Variants in PCDH10 observed in about 807,000 individuals in gnomAD.
PCDH10 encodes the protein protocadherin 10, also known as protocadherin-10.
PCDH10 carries 15 observed loss-of-function variants against 74.4 expected under a neutral mutation model. The observed-to-expected ratio is 0.20, with a 90% confidence interval of 0.13 to 0.31. PCDH10 has a LOEUF of 0.31. Among genes scored for constraint, PCDH10 ranks in the 10% least tolerant of loss-of-function variants. The pLI is 1.00. For synonymous variants in PCDH10, 619 were observed against 589.8 expected (o/e 1.05, Z -0.72); for missense variants, 1,260 against 1,390.2 (o/e 0.91, Z 1.49).
At chr4:133,153,612 G>C (rs1405666802) in intron 1 of PCDH10, 1 of 151,872 alleles carries the variant, frequency 6.6e-6, no homozygotes, top group African/African-American at 2.4e-5. Context: ...GGAGGGTGGG[G>C]GTTGGGGGGA....
chr4:133,151,458 G>A lies in PCDH10; in HGVS notation c.1318G>A (p.Glu440Lys), dbSNP rs748177621. The A allele has an allele frequency of 3.1e-6, 5 of 1,613,574 alleles. 1 individual carries two copies. In the South Asian group the frequency reaches 4.4e-5, roughly 14 times the overall value. ...TLTVVARDRG[E>K]PALSTSKSIQ... ...GACTGTAGTGGCTCGGGACCGGGGC[G>A]AGCCTGCGCTCTCCACCAGTAAGTC... The change falls in exon 1 of 5, where the codon GAG (glutamate) becomes AAG (lysine). Residue 440 changes from glutamate (E) to lysine (K), a missense_variant. By Grantham distance (56) the Glu-to-Lys change is moderately conservative. Coordinates refer to ENST00000264360, the MANE Select transcript of PCDH10 (RefSeq NM_032961.3).
At chr4:133,181,507 A>C (rs1727417169) in intron 4 of PCDH10, among the ~76,000 whole-genome samples, 1 of 152,060 alleles carries the variant, frequency 6.6e-6, no homozygotes, top group Non-Finnish European at 1.5e-5. Flanking sequence ...CTTAGCACCC[A>C]AATATTCTAT....
At chr4:133,184,801 T>A (rs1381859836) in intron 4 of PCDH10, among the ~76,000 whole-genome samples, 2 of 141,652 alleles carry the variant, frequency 1.4e-5, no homozygotes, top group Non-Finnish European at 3.1e-5. Flanking sequence ...TATATTTATA[T>A]ATATATATTT....
At chr4:133,162,006 A>G (rs1190489072) in intron 3 of PCDH10, among the ~76,000 whole-genome samples, 1 of 152,176 alleles carries the variant, frequency 6.6e-6, no homozygotes, top group Non-Finnish European at 1.5e-5. Flanking sequence ...GAAAATTCTT[A>G]TGCTTTGCTT....
At chr4:133,182,405 G>A (rs1006037243) in intron 4 of PCDH10, among the ~76,000 whole-genome samples, 3 of 151,882 alleles carry the variant, frequency 2.0e-5, no homozygotes, top group Admixed American at 1.3e-4. Flanking sequence ...TATTTTGTTG[G>A]AACTTCAGAT....
chr4:133,202,392 G>A (rs909439680), intron 2 of PCDH10, among the ~76,000 whole-genome samples: 7 of 152,152 alleles, frequency 4.6e-5, no homozygotes, highest in Non-Finnish European at 7.3e-5. Context: ...GTACATGGAA[G>A]TTGCACTGAG....
chr4:133,152,591 G>T lies in PCDH10; in HGVS notation c.2451G>T (p.Gln817His), dbSNP rs201300041. ...GCTTTGGCTCCCACCACCACAACCA[G>T]AATTACTGCTATCAGGTATGCCTGA... The part of the protein sequence containing the change: ...SGGFGSHHHN[Q>H]NYCYQVCLTP... Residue 817 changes from glutamine (Q) to histidine (H), a missense_variant, in exon 1 of 5, where the codon CAG becomes CAT. By Grantham distance (24) the Gln-to-His change is conservative. Transcript: ENST00000264360. 5.3e-5 allele frequency: 85 copies of T among 1,614,142 alleles called. No homozygotes were observed. The highest frequency in any genetic ancestry group is 3.3e-4 in the Middle Eastern group (2 of 6,062).
intron 4 of PCDH10, among the ~76,000 whole-genome samples, chr4:133,170,584 C>T (rs1727182286): frequency 6.6e-6 from 1 of 152,084 alleles, no homozygotes; most frequent in Non-Finnish European, 1.5e-5. Flanking sequence ...ACATAGGAGT[C>T]AATGTATTTA....
intron 3 of PCDH10, among the ~76,000 whole-genome samples, chr4:133,157,190 A>G (rs958534404): frequency 6.6e-6 from 1 of 152,230 alleles, no homozygotes; most frequent in Non-Finnish European, 1.5e-5. Context: ...TAAAGCACTT[A>G]TGTTAAGAAG....
chr4:133,179,174 C>G (rs903014218), intron 4 of PCDH10, among the ~76,000 whole-genome samples: 29 of 152,162 alleles, frequency 1.9e-4, no homozygotes, highest in Admixed American at 1.9e-3. Context: ...CTGAGTTCTC[C>G]CACTGGGCTC....
At chr4:133,161,088 T>C (rs1726960185) in intron 3 of PCDH10, among the ~76,000 whole-genome samples, 1 of 152,104 alleles carries the variant, frequency 6.6e-6, no homozygotes, top group South Asian at 2.1e-4. Flanking sequence ...GCTTCTCTGG[T>C]GTCTAGTGAA....
At position 133,155,147 on chromosome 4, in the gene PCDH10, A is replaced by T. The variant is rs1560705631; in HGVS notation, c.2797+124A>T. The T allele has an allele frequency of 4.4e-6, 3 of 675,522 alleles. No individual in the cohort carries two copies. The East Asian group carries it at 8.1e-5, about 18-fold the overall frequency. The allele number at this position is 675,522 out of a possible 1,614,324, so 41.8% of individuals were successfully genotyped here. On this transcript the variant is annotated intron_variant, in intron 3 of 4. Coordinates refer to ENST00000264360, the MANE Select transcript of PCDH10 (RefSeq NM_032961.3). ...GTCTAATGCTGGTAACTCTACAGAA[A>T]AATAGTGTCACTCTACTTTGATATT...
At chr4:133,189,378 A>C (rs1293549583) in intron 4 of PCDH10, among the ~76,000 whole-genome samples, 1 of 152,110 alleles carries the variant, frequency 6.6e-6, no homozygotes, top group Non-Finnish European at 1.5e-5. Flanking sequence ...TGGATAAGGG[A>C]AGAAATATTA....
chr4:133,187,108 A>G (rs573307940), intron 4 of PCDH10, among the ~76,000 whole-genome samples: 1 of 152,216 alleles, frequency 6.6e-6, no homozygotes, highest in African/African-American at 2.4e-5. Flanking sequence ...AGTATAAACT[A>G]TTTCTAGGTT....
chr4:133,154,383 C>T lies in PCDH10; in HGVS notation c.2690+18C>T. Reference sequence around the variant, plus strand: ...GTTAACAGGTATGGACTCTTTTTTTCCCTAGCAGTAATGGACAATTTACAA... The same window carrying T: ...GTTAACAGGTATGGACTCTTTTTTTTCCTAGCAGTAATGGACAATTTACAA... On this transcript the variant is annotated intron_variant, in intron 2 of 4. Transcript: ENST00000264360. 1 of 1,530,522 alleles carries T rather than the reference C, an allele frequency of 6.5e-7. No homozygotes were observed. Among genetic ancestry groups the T allele is most frequent in the Non-Finnish European group, 8.9e-7 (1 of 1,119,288 alleles). The allele number at this position is 1,530,522 out of a possible 1,614,324, so 94.8% of individuals were successfully genotyped here.
At chr4:133,183,064 A>G (rs1471906101) in intron 4 of PCDH10, among the ~76,000 whole-genome samples, 1 of 152,066 alleles carries the variant, frequency 6.6e-6, no homozygotes, top group Non-Finnish European at 1.5e-5. Context: ...GTTTTTAGAT[A>G]TCTTCCTCAA....
At position 133,150,276 on chromosome 4, in the gene PCDH10, A is replaced by T; in HGVS notation, c.136A>T (p.Thr46Ser). ...NIAEDLGLDITKLSARGFQTV... is the reference protein window; with the variant it reads ...NIAEDLGLDISKLSARGFQTV... Reference sequence around the variant, plus strand: ...CGCTGAAGATCTGGGTCTGGACATTACAAAACTTTCGGCTCGCGGGTTTCA... The same window carrying T: ...CGCTGAAGATCTGGGTCTGGACATTTCAAAACTTTCGGCTCGCGGGTTTCA... The change falls in exon 1 of 5, where the codon ACA becomes TCA. Residue 46 changes from threonine to serine, a missense_variant. By Grantham distance (58) the Thr-to-Ser change is moderately conservative. Coordinates refer to ENST00000264360, the MANE Select transcript of PCDH10 (RefSeq NM_032961.3). The T allele has an allele frequency of 6.2e-7, 1 of 1,614,020 alleles. No homozygotes were observed. The highest frequency in any genetic ancestry group is 8.5e-7 in the Non-Finnish European group (1 of 1,179,990).
rs1319403148 is a variant in PCDH10, at chr4:133,193,573, A to T, written c.*3413A>T. 6.6e-6 allele frequency: 1 copy of T among 151,574 alleles called. No individual in the cohort carries two copies. The highest frequency in any genetic ancestry group is 2.4e-5 in the African/African-American group (1 of 41,404). 9.4% of individuals were successfully genotyped at this position (151,574 alleles called of 1,614,324 possible). A position where few individuals can be genotyped will look rare whatever the true frequency, so the allele number is the denominator to read the frequency against. ...TTACCTTCTAAACATTATTTACTGG[A>T]GCTCAGTTAGTCTTTAAAACAATTA... On this transcript the variant is annotated 3_prime_UTR_variant, in exon 5 of 5. Transcript: ENST00000264360.
At chr4:133,208,276 C>G (rs954810443) in exon 3 of PCDH10, 2 of 152,170 alleles carry the variant, frequency 1.3e-5, no homozygotes, top group Non-Finnish European at 2.9e-5. Context: ...ATTTTTGAAC[C>G]ACACAGATTG....
Sources: allele counts gnomAD v4.1 joint callset (sites outside exome capture counted in the v4.1 genomes callset), GRCh38; gene constraint gnomAD v4.1.1; transcripts MANE v1.5; gene names NCBI Gene and HGNC (gene_info 2026-07-23, HGNC 2026-07-21).